The following PIAS1 variants were observed in gnomAD, a reference collection of about 807,000 sequenced individuals.
The protein encoded by PIAS1 is protein inhibitor of activated STAT 1.
Under a neutral mutation model 71.3 loss-of-function variants are expected in PIAS1, and 6 were observed. The observed-to-expected ratio is 0.08, with a 90% CI of 0.05 to 0.17. PIAS1 has a LOEUF of 0.17. Among genes scored for constraint, PIAS1 ranks in the 10% least tolerant of loss-of-function variants. The pLI, the probability that PIAS1 is intolerant of heterozygous loss-of-function variation, is 1.00. For missense variants in PIAS1, 555 were observed against 793.6 expected (o/e 0.70, Z 3.61); for synonymous variants, 303 against 292.9 (o/e 1.03, Z -0.35).
intron 1 of PIAS1, among the ~76,000 whole-genome samples, chr15:68,078,548 G>A (rs922121102): frequency 2.0e-5 from 3 of 151,892 alleles, no homozygotes; most frequent in Admixed American, 6.6e-5. Flanking sequence ...TAGTGCCCCC[G>A]TCACCCATTT....
In PIAS1 at chr15:68,130,929, C is replaced by A. The variant is rs866125776; in HGVS notation, c.470-11017C>A. On this transcript the variant is annotated intron_variant, in intron 2 of 13. Coordinates refer to ENST00000249636, the MANE Select transcript of PIAS1 (RefSeq NM_016166.3). Reference sequence around the variant, plus strand: ...GACTGCTTACTTTGGGTTAGGTAGGCACTGTTATAAGCGGTTTTATATTTT... The same window carrying A: ...GACTGCTTACTTTGGGTTAGGTAGGAACTGTTATAAGCGGTTTTATATTTT... Among the ~76,000 whole-genome samples, 3 of 152,144 alleles carry A rather than the reference C, an allele frequency of 2.0e-5. No homozygotes were observed. The Middle Eastern group carries it at 0.01, about 521-fold the overall frequency.
intron 2 of PIAS1, among the ~76,000 whole-genome samples, chr15:68,126,705 A>G (rs2092652939): frequency 6.6e-6 from 1 of 152,102 alleles, no homozygotes; most frequent in African/African-American, 2.4e-5. Flanking sequence ...AATTACAGGC[A>G]TGAGCCACCG....
Position 68,185,275 on chromosome 15 carries a change from A to G in PIAS1, c.1662+1608A>G, listed in dbSNP as rs1293407391. The stretch of plus-strand genomic sequence containing the variant: ...CTGATGCAATTCTGGAAGGTTTACA[A>G]CAGCTATGACTGCATCAAGAACCTT... On this transcript the variant is annotated intron_variant, in intron 13 of 13. Coordinates refer to ENST00000249636, the MANE Select transcript of PIAS1 (RefSeq NM_016166.3). The surrounding 1 kb of genome is among the most constrained non-coding windows in gnomAD (Gnocchi z 4.4). Among the ~76,000 whole-genome samples, 5 of 152,204 alleles carry G rather than the reference A, an allele frequency of 3.3e-5. No homozygotes were observed. The highest frequency in any genetic ancestry group is 1.2e-4 in the African/African-American group (5 of 41,456).
At chr15:68,153,337 T>C (rs2092862296) in intron 6 of PIAS1, among the ~76,000 whole-genome samples, 1 of 152,164 alleles carries the variant, frequency 6.6e-6, no homozygotes, top group South Asian at 2.1e-4. Context: ...ACTTGAAAAT[T>C]GCAAAATTAG....
chr15:68,153,880 T>G, intron 7 of PIAS1, 185 bp downstream of exon 7: 1 of 387,134 alleles, frequency 2.6e-6, no homozygotes, highest in African/African-American at 2.1e-5. Context: ...ATCTTAAAAT[T>G]AACTTTGTGA....
intron 1 of PIAS1, among the ~76,000 whole-genome samples, chr15:68,074,209 A>G (rs193056426): frequency 7.9e-5 from 12 of 152,354 alleles, no homozygotes; most frequent in African/African-American, 2.9e-4. Context: ...TTACGAGTGG[A>G]TGAGATCACT....
chr15:68,083,951 C>T (rs1279776069), intron 1 of PIAS1, among the ~76,000 whole-genome samples: 1 of 152,064 alleles, frequency 6.6e-6, no homozygotes, highest in East Asian at 1.9e-4. Context: ...ATTGTTATTG[C>T]TGCTGCTACT....
intron 4 of PIAS1, among the ~76,000 whole-genome samples, chr15:68,145,333 G>C (rs2141051677): frequency 6.6e-6 from 1 of 152,246 alleles, no homozygotes; most frequent in Non-Finnish European, 1.5e-5. Flanking sequence ...AACCAGAAAA[G>C]TGTTTCATAG....
chr15:68,183,517 A>C, intron 12 of PIAS1, 113 bp from the exon 13 acceptor site: 1 of 592,030 alleles, frequency 1.7e-6, no homozygotes, highest in South Asian at 1.8e-5. Flanking sequence ...TGTTTAAATA[A>C]AATTCTGAGT....
In PIAS1 at chr15:68,094,233, A is replaced by G. The variant is rs1369265259; in HGVS notation, c.469+7483A>G. ...TAATTCTGGAGAAGACCGGCAACCT[A>G]GATGTGCTGGGCGTATAGTCTTAGT... On this transcript the variant is annotated intron_variant, in intron 2 of 13. Coordinates refer to ENST00000249636, the MANE Select transcript of PIAS1 (RefSeq NM_016166.3). 5.3e-5 allele frequency among the ~76,000 whole-genome samples: 8 copies of G among 151,748 alleles called. 1 individual carries two copies. In the South Asian group the frequency reaches 1.2e-3, roughly 24 times the overall value.
At chr15:68,132,697 GGTTAA>G (rs1221465239) in intron 2 of PIAS1, among the ~76,000 whole-genome samples, 1 of 152,032 alleles carries the variant, frequency 6.6e-6, no homozygotes, top group Non-Finnish European at 1.5e-5. Flanking sequence ...ATAAAACTAG[GGTTAA>G]GTTCAATTTG....
At chr15:68,110,453 C>T (rs543790467) in intron 2 of PIAS1, among the ~76,000 whole-genome samples, 2 of 151,938 alleles carry the variant, frequency 1.3e-5, no homozygotes, top group East Asian at 1.9e-4. Context: ...AAAATTAGCC[C>T]GGTGTGGTGG....
At chr15:68,181,151 T>G in intron 11 of PIAS1, 61 bp from the exon 12 acceptor site, 1 of 1,503,570 alleles carries the variant, frequency 6.7e-7, no homozygotes. Flanking sequence ...AACCCCTTTT[T>G]TTGTTAACCT....
intron 2 of PIAS1, among the ~76,000 whole-genome samples, chr15:68,130,461 G>C (rs1412782493): frequency 6.6e-6 from 1 of 151,748 alleles, no homozygotes; most frequent in Admixed American, 6.6e-5. Flanking sequence ...TGAAAATAAT[G>C]TATAAAATGT....
At chr15:68,083,764 T>TA (rs34242425) in intron 1 of PIAS1, among the ~76,000 whole-genome samples, 3,729 of 128,960 alleles carry the variant, frequency 0.029, 119 homozygotes, top group African/African-American at 0.082. Context: ...ATGAATCCTG[T>TA]AAAAAAAAAA....
intron 7 of PIAS1, among the ~76,000 whole-genome samples, chr15:68,157,575 A>G (rs1455297175): frequency 1.3e-5 from 2 of 152,202 alleles, no homozygotes; most frequent in African/African-American, 4.8e-5. Flanking sequence ...TTCATCCTGA[A>G]TACTTCTGCT....
At chr15:68,078,444 A>G (rs1348289090) in intron 1 of PIAS1, among the ~76,000 whole-genome samples, 1 of 152,176 alleles carries the variant, frequency 6.6e-6, no homozygotes, top group Non-Finnish European at 1.5e-5. Flanking sequence ...AACTTCCTTA[A>G]GCACTATTTC....
intron 2 of PIAS1, among the ~76,000 whole-genome samples, chr15:68,114,976 ATCT>A (rs1173803225): frequency 6.6e-6 from 1 of 152,014 alleles, no homozygotes; most frequent in African/African-American, 2.4e-5. Flanking sequence ...GGTGTTACAA[ATCT>A]TCTCTCATAA....
rs1205510574 is a variant in PIAS1, at chr15:68,171,827, A to G, written c.1009-1905A>G. Among the ~76,000 whole-genome samples, 1 of 152,154 alleles carries G rather than the reference A, an allele frequency of 6.6e-6. No individual in the cohort carries two copies. The highest frequency in any genetic ancestry group is 1.5e-5 in the Non-Finnish European group (1 of 68,026). ...GACTAGGAAATTTCACATTTCCCTG[A>G]AATTGATCTAAGTAAGCCAAGAATC... On this transcript the variant is annotated intron_variant, in intron 8 of 13. Coordinates refer to ENST00000249636, the MANE Select transcript of PIAS1 (RefSeq NM_016166.3). The surrounding 1 kb of genome is among the most constrained non-coding windows in gnomAD (Gnocchi z 4.4).
Sources: allele counts gnomAD v4.1 joint callset (sites outside exome capture counted in the v4.1 genomes callset), GRCh38; gene constraint gnomAD v4.1.1; non-coding constraint Gnocchi (gnomAD v3.1); transcripts MANE v1.5; gene names NCBI Gene and HGNC (gene_info 2026-07-23, HGNC 2026-07-21).